Variants in RALYL observed in about 807,000 individuals in gnomAD.
RALYL encodes RNA-binding Raly-like protein.
In RALYL, 29 loss-of-function variants were observed where a neutral mutation model predicts 35.1. The ratio of observed to expected loss-of-function variants is 0.83; its 90% CI spans 0.61 to 1.13. RALYL has a LOEUF of 1.13. RALYL is among the 50% of genes most tolerant of loss of function. The pLI, the probability that RALYL is intolerant of heterozygous loss-of-function variation, is 0.00. For synonymous variants in RALYL, 120 were observed against 127.6 expected (o/e 0.94, Z 0.40); for missense variants, 359 against 360.4 (o/e 1.00, Z 0.03).
rs553487951 is a variant in RALYL, at chr8:84,839,900, T to G, written c.366-10080T>G. The stretch of plus-strand genomic sequence containing the variant: ...CAGCAAACTCCAACAGACCTGCAGC[T>G]GAGGGTCCTGACTGTTAGAAGGAAA... On this transcript the variant is annotated intron_variant, in intron 4 of 8. Transcript: ENST00000521268. Among the ~76,000 whole-genome samples, 827 of 152,318 alleles carry G rather than the reference T, an allele frequency of 5.4e-3. 4 individuals carry two copies. Among genetic ancestry groups the G allele is most frequent in the African/African-American group, 0.019 (778 of 41,554 alleles).
chr8:84,273,139 G>A (rs1035945117), intron 1 of RALYL, among the ~76,000 whole-genome samples: 1 of 152,228 alleles, frequency 6.6e-6, no homozygotes, highest in Non-Finnish European at 1.5e-5. Flanking sequence ...TCAAAGCTCA[G>A]CACTTGAAAA....
chr8:84,655,696 G>A, intron 2 of RALYL, among the ~76,000 whole-genome samples: 1 of 149,882 alleles, frequency 6.7e-6, no homozygotes, highest in South Asian at 2.2e-4. Context: ...CTTGTCAAAT[G>A]GATTTTTTGT....
At chr8:84,498,700 C>T (rs1391218848) in intron 1 of RALYL, among the ~76,000 whole-genome samples, 3 of 152,044 alleles carry the variant, frequency 2.0e-5, no homozygotes, top group African/African-American at 4.8e-5. Context: ...CTGCCCTTTC[C>T]TAATACACTC....
chr8:84,546,630 A>G (rs538216772), intron 2 of RALYL, among the ~76,000 whole-genome samples: 1 of 152,260 alleles, frequency 6.6e-6, no homozygotes, highest in South Asian at 2.1e-4. Context: ...AAATTTTACA[A>G]TTTTTGTTTA....
intron 3 of RALYL, among the ~76,000 whole-genome samples, chr8:84,799,760 T>A (rs1309215308): frequency 6.6e-6 from 1 of 152,196 alleles, no homozygotes; most frequent in East Asian, 1.9e-4. Flanking sequence ...ATCGAGACCA[T>A]CCTGGCTAAC....
At chr8:84,273,637 T>G (rs2131979732) in intron 1 of RALYL, among the ~76,000 whole-genome samples, 1 of 152,356 alleles carries the variant, frequency 6.6e-6, no homozygotes, top group African/African-American at 2.4e-5. Context: ...TGGGAGAGGC[T>G]TCATTTTAGC....
intron 1 of RALYL, among the ~76,000 whole-genome samples, chr8:84,475,507 A>T (rs1036692356): frequency 1.3e-5 from 2 of 152,216 alleles, no homozygotes; most frequent in Non-Finnish European, 1.5e-5. Context: ...GAAAACTCTA[A>T]TATAAAATTT....
intron 1 of RALYL, among the ~76,000 whole-genome samples, chr8:84,522,416 A>AT (rs1327649601): frequency 2.0e-5 from 3 of 151,562 alleles, no homozygotes; most frequent in East Asian, 1.9e-4. Context: ...CGCCCGGCTA[A>AT]TTTTTTGTAT....
At chr8:84,206,494 G>A (rs1818074246) in intron 1 of RALYL, among the ~76,000 whole-genome samples, 1 of 152,146 alleles carries the variant, frequency 6.6e-6, no homozygotes, top group Non-Finnish European at 1.5e-5. Context: ...TTTAGTGAGA[G>A]CATATGATTA....
intron 8 of RALYL, among the ~76,000 whole-genome samples, chr8:84,889,308 T>C (rs1013205242): frequency 6.6e-6 from 1 of 152,228 alleles, no homozygotes; most frequent in Non-Finnish European, 1.5e-5. Context: ...GATTCCATTG[T>C]GACTACACTC....
At position 84,664,258 on chromosome 8, in the gene RALYL, T is replaced by G. The variant is rs150054026; in HGVS notation, c.257-110321T>G. On this transcript the variant is annotated intron_variant, in intron 2 of 8. Transcript: ENST00000521268. Reference sequence around the variant, plus strand: ...AGTCAGGTAGCGTGAGTGTGATGCCTCTAGATTTTTTTTTTTTTTTTTTTT... The same window carrying G: ...AGTCAGGTAGCGTGAGTGTGATGCCGCTAGATTTTTTTTTTTTTTTTTTTT... 9.9e-3 allele frequency among the ~76,000 whole-genome samples: 1,359 copies of G among 136,730 alleles called. 28 individuals are homozygous for G. Among genetic ancestry groups the G allele is most frequent in the African/African-American group, 0.035 (1,270 of 36,526 alleles). 89.7% of individuals were successfully genotyped at this position (136,730 alleles called of 152,430 possible). A position where few individuals can be genotyped will look rare whatever the true frequency, so the allele number is the denominator to read the frequency against.
chr8:84,873,472 C>A (rs1840596033), intron 7 of RALYL, 75 bp downstream of exon 7: 4 of 839,036 alleles, frequency 4.8e-6, no homozygotes, highest in Non-Finnish European at 7.7e-6. Context: ...CAGTACAGGG[C>A]CAGGAAGACA....
intron 2 of RALYL, among the ~76,000 whole-genome samples, chr8:84,638,106 G>T (rs1306770807): frequency 6.6e-6 from 1 of 151,778 alleles, no homozygotes; most frequent in Non-Finnish European, 1.5e-5. Context: ...ATCATATCAA[G>T]TACTCTTTCA....
chr8:84,319,487 A>C (rs2130324779), intron 1 of RALYL, among the ~76,000 whole-genome samples: 1 of 152,240 alleles, frequency 6.6e-6, no homozygotes, highest in South Asian at 2.1e-4. Flanking sequence ...ATCAAAAAGA[A>C]GACTAGTTGT....
chr8:84,235,267 T>A (rs1174736606), intron 1 of RALYL, among the ~76,000 whole-genome samples: 1 of 152,222 alleles, frequency 6.6e-6, no homozygotes, highest in African/African-American at 2.4e-5. Context: ...ACACAAATAT[T>A]CAGATGAAGT....
chr8:84,501,876 T>C (rs2056704357), intron 1 of RALYL, among the ~76,000 whole-genome samples: 3 of 150,650 alleles, frequency 2.0e-5, no homozygotes, highest in South Asian at 4.1e-4. Context: ...TATTATGTTA[T>C]TCATAAATAA....
At chr8:84,725,193 GT>G (rs1201258286) in intron 2 of RALYL, among the ~76,000 whole-genome samples, 1 of 151,668 alleles carries the variant, frequency 6.6e-6, no homozygotes, top group Non-Finnish European at 1.5e-5. Flanking sequence ...CATTTTGATA[GT>G]TTAGGCAGAG....
intron 1 of RALYL, among the ~76,000 whole-genome samples, chr8:84,405,686 T>C (rs1161988143): frequency 6.6e-6 from 1 of 152,162 alleles, no homozygotes; most frequent in Non-Finnish European, 1.5e-5. Context: ...TTTCAAGTTT[T>C]AACAAGAGAA....
At chr8:84,642,745 G>T (rs1826643023) in intron 2 of RALYL, among the ~76,000 whole-genome samples, 1 of 152,024 alleles carries the variant, frequency 6.6e-6, no homozygotes, top group African/African-American at 2.4e-5. Context: ...AAGCGAAAAA[G>T]AAAGGAATGG....
Sources: allele counts gnomAD v4.1 joint callset (sites outside exome capture counted in the v4.1 genomes callset), GRCh38; gene constraint gnomAD v4.1.1; transcripts MANE v1.5; gene names NCBI Gene and HGNC (gene_info 2026-07-23, HGNC 2026-07-21).